Variants in AP2B1 observed in about 807,000 individuals in gnomAD.
AP2B1 encodes AP-2 complex subunit beta.
In AP2B1, 23 loss-of-function variants were observed where a neutral mutation model predicts 102.0. The observed-to-expected ratio is 0.23, with a 90% CI of 0.16 to 0.32. AP2B1 has a LOEUF of 0.32. Ranked by LOEUF, AP2B1 falls within the 10% of genes least tolerant of loss-of-function variation. AP2B1 has a pLI of 1.00. For missense variants in AP2B1, 541 were observed against 1,157.4 expected (o/e 0.47, Z 7.73); for synonymous variants, 381 against 421.2 (o/e 0.90, Z 1.17).
chr17:35,610,153 A>AT (rs1555557600), intron 5 of AP2B1, among the ~76,000 whole-genome samples: 4 of 149,662 alleles, frequency 2.7e-5, no homozygotes, highest in South Asian at 2.1e-4. Flanking sequence ...TTTATTTTTT[A>AT]TTTTTTTTTG....
chr17:35,647,095 GC>G (rs1385440418), intron 12 of AP2B1, among the ~76,000 whole-genome samples: 1 of 152,084 alleles, frequency 6.6e-6, no homozygotes, highest in African/African-American at 2.4e-5. Context: ...TAAGATAAAT[GC>G]AGTGTTTAAT....
chr17:35,711,954 A>G (rs2076460785), intron 20 of AP2B1, among the ~76,000 whole-genome samples: 1 of 152,152 alleles, frequency 6.6e-6, no homozygotes, highest in Admixed American at 6.5e-5. Context: ...CCCTCCTGGA[A>G]CCCTCAGAAT....
intron 18 of AP2B1, among the ~76,000 whole-genome samples, chr17:35,704,572 C>A (rs1598331572): frequency 1.3e-5 from 2 of 152,208 alleles, no homozygotes; most frequent in East Asian, 3.9e-4. Flanking sequence ...TATAGGTGAG[C>A]CGGAAGTAAG....
At chr17:35,709,158 G>T (rs373759825) in intron 18 of AP2B1, 66 bp from the exon 19 acceptor site, 8 of 1,361,166 alleles carry the variant, frequency 5.9e-6, no homozygotes, top group Non-Finnish European at 8.4e-6. Flanking sequence ...TAGACACAGC[G>T]CTGTTCTTTT....
intron 2 of AP2B1, 30 bp downstream of exon 2, chr17:35,594,097 G>T: frequency 6.6e-7 from 1 of 1,525,752 alleles, no homozygotes; most frequent in South Asian, 1.2e-5. Context: ...CAAATCTTTT[G>T]AAATTTTCAA....
chr17:35,626,885 G>A (rs1171585163), intron 7 of AP2B1, 43 bp downstream of exon 7: 3 of 1,549,034 alleles, frequency 1.9e-6, no homozygotes. Context: ...TTGTAATTTT[G>A]CATTAAGCTT....
chr17:35,627,334 T>C (rs1372647537), intron 7 of AP2B1, 51 bp from the exon 8 acceptor site: 1 of 1,506,258 alleles, frequency 6.6e-7, no homozygotes, highest in Non-Finnish European at 8.9e-7. Context: ...CTCAGAAGGG[T>C]ATATCAGTAT....
chr17:35,638,130 G>A (rs914018334), intron 10 of AP2B1, among the ~76,000 whole-genome samples: 9 of 152,148 alleles, frequency 5.9e-5, no homozygotes, highest in Non-Finnish European at 1.3e-4. Context: ...CTGTGCCACT[G>A]TGCCCGACAT....
intron 5 of AP2B1, among the ~76,000 whole-genome samples, chr17:35,612,281 C>T (rs1423202498): frequency 6.6e-6 from 1 of 152,134 alleles, no homozygotes; most frequent in African/African-American, 2.4e-5. Context: ...AGCCTGAGAA[C>T]AGAGTGCCTC....
intron 2 of AP2B1, among the ~76,000 whole-genome samples, chr17:35,595,028 C>T (rs2073220219): frequency 6.6e-6 from 1 of 152,200 alleles, no homozygotes; most frequent in South Asian, 2.1e-4. Flanking sequence ...GGAGTCCTTA[C>T]ATTTACCAAA....
At chr17:35,681,492 T>C (rs1031120235) in intron 17 of AP2B1, among the ~76,000 whole-genome samples, 13 of 152,218 alleles carry the variant, frequency 8.5e-5, no homozygotes, top group Non-Finnish European at 1.9e-4. Context: ...CTCTAATGCC[T>C]GGGATCAAGC....
At position 35,703,118 on chromosome 17, in the gene AP2B1, AAAAAT is replaced by A. The variant is rs950881137; in HGVS notation, c.2455-6105_2455-6101del. 9.5e-4 allele frequency among the ~76,000 whole-genome samples: 144 copies of A among 152,108 alleles called. 2 individuals are homozygous for A. The highest frequency in any genetic ancestry group is 3.4e-3 in the African/African-American group (143 of 41,530). ...AAACCCCATCTCTACTAAAAATACA[AAAAAT>A]TAGCCGGGCGTGGTGGCCAGCGCCT... On this transcript the variant is annotated intron_variant, in intron 18 of 21. Transcript: ENST00000610402.
At chr17:35,610,040 G>A (rs945519775) in intron 5 of AP2B1, among the ~76,000 whole-genome samples, 3 of 152,196 alleles carry the variant, frequency 2.0e-5, no homozygotes, top group Non-Finnish European at 4.4e-5. Flanking sequence ...GTGTGGAAGT[G>A]CAGATGCTTT....
chr17:35,645,155 CA>C (rs2074894152), intron 12 of AP2B1, among the ~76,000 whole-genome samples: 1 of 152,116 alleles, frequency 6.6e-6, no homozygotes, highest in Non-Finnish European at 1.5e-5. Context: ...TAGTGAGTAC[CA>C]ATTTAAGTTT....
At chr17:35,677,059 G>A (rs1260013240) in intron 17 of AP2B1, among the ~76,000 whole-genome samples, 1 of 152,038 alleles carries the variant, frequency 6.6e-6, no homozygotes, top group Non-Finnish European at 1.5e-5. Context: ...GCACAATCAA[G>A]GCCTACTATT....
rs746812972 is a variant in AP2B1 at position 35,723,936 on chromosome 17, A to G, written c.*237A>G. 27 of 443,538 alleles carry G rather than the reference A, an allele frequency of 6.1e-5. No homozygotes were observed. The highest frequency in any genetic ancestry group is 2.5e-4 in the East Asian group (8 of 31,922). 27.5% of individuals were successfully genotyped at this position (443,538 alleles called of 1,614,324 possible). A position where few individuals can be genotyped will look rare whatever the true frequency, so the allele number is the denominator to read the frequency against. On this transcript the variant is annotated 3_prime_UTR_variant, in exon 22 of 22. Transcript: ENST00000610402. ...CCACCTCTTGCCACCTGCTGCTGCT[A>G]TCTGTCCTTACTTGTGGGCTTCTCC...
At chr17:35,615,393 G>A (rs921928163) in intron 5 of AP2B1, among the ~76,000 whole-genome samples, 10 of 152,180 alleles carry the variant, frequency 6.6e-5, no homozygotes, top group Non-Finnish European at 1.0e-4. Flanking sequence ...CTAACATTAT[G>A]CACCTTCCGG....
At chr17:35,688,759 T>A (rs1249800312) in intron 18 of AP2B1, among the ~76,000 whole-genome samples, 1 of 151,934 alleles carries the variant, frequency 6.6e-6, no homozygotes, top group Non-Finnish European at 1.5e-5. Context: ...AGGCCAGGAG[T>A]CCAAGACCAG....
intron 18 of AP2B1, among the ~76,000 whole-genome samples, chr17:35,689,565 A>G (rs1642117887): frequency 6.6e-6 from 1 of 152,178 alleles, no homozygotes; most frequent in South Asian, 2.1e-4. Context: ...CACATATCGA[A>G]TCAATGTTCA....
Sources: gnomAD v4.1 joint callset for allele counts (sites outside exome capture counted in the v4.1 genomes callset) on GRCh38, gnomAD v4.1.1 for gene constraint, MANE v1.5 for transcripts, NCBI Gene and HGNC (gene_info 2026-07-23, HGNC 2026-07-21) for gene names.